The following SPTBN1 variants were observed in gnomAD, a reference collection of about 807,000 sequenced individuals.
The protein encoded by SPTBN1 is spectrin beta, non-erythrocytic 1.
A neutral mutation model predicts 266.4 loss-of-function variants in SPTBN1; 32 were observed. That is an observed-to-expected ratio of 0.12 (90% CI 0.09 to 0.16). SPTBN1 has a LOEUF of 0.16. SPTBN1 is among the 10% of genes least tolerant of loss of function. SPTBN1 has a pLI of 1.00. For missense variants in SPTBN1, 2,296 were observed against 3,067.1 expected, an observed-to-expected ratio of 0.75 and a Z score of 5.94; for synonymous variants, 1,336 against 1,162.2, an observed-to-expected ratio of 1.15 and a Z score of -3.04.
rs553022346 is a variant in SPTBN1, at chr2:54,651,196, A to C, written c.5577+1207A>C. On this transcript the variant is annotated intron_variant, in intron 26 of 35. Coordinates refer to ENST00000356805, the MANE Select transcript of SPTBN1 (RefSeq NM_003128.3). ...TTCCTCTGCACCTCTAAAATCATTT[A>C]CTTTTAGAACTGCAAGACACTTGAG... is the stretch of plus-strand genomic sequence containing the variant. Among the ~76,000 whole-genome samples, 8 of 152,354 alleles carry C rather than the reference A, an allele frequency of 5.3e-5. No individual in the cohort carries two copies. In the East Asian group the frequency reaches 1.5e-3, roughly 29 times the overall value.
chr2:54,614,136 C>T (rs570351920), intron 4 of SPTBN1, among the ~76,000 whole-genome samples: 1 of 152,090 alleles, frequency 6.6e-6, no homozygotes, highest in African/African-American at 2.4e-5. Context: ...CTGATGTTAC[C>T]GCGTGGCCTG....
chr2:54,665,732 A>AT (rs781168301), intron 33 of SPTBN1, among the ~76,000 whole-genome samples, 183 bp from the exon 34 acceptor site: 38 of 152,082 alleles, frequency 2.5e-4, no homozygotes, highest in Admixed American at 8.5e-4. Flanking sequence ...CCATGGAGGA[A>AT]TTTTTTCTGT....
intron 27 of SPTBN1, among the ~76,000 whole-genome samples, chr2:54,654,181 C>G (rs1187831863): frequency 6.6e-6 from 1 of 152,180 alleles, no homozygotes; most frequent in Admixed American, 6.5e-5. Flanking sequence ...AGCCACGTAC[C>G]TTGGACATGA....
Position 54,628,670 on chromosome 2 carries a change from A to G in SPTBN1, c.1799-263A>G, listed in dbSNP as rs1235427159. Among the ~76,000 whole-genome samples the G allele has an allele frequency of 6.6e-6, 1 of 152,078 alleles. No homozygotes were observed. The highest frequency in any genetic ancestry group is 1.9e-4 in the East Asian group (1 of 5,188). ...AATTATATGCAGCTGCCTTTTTCAT[A>G]TGATTCAAGTGCTTTCTTGCAGGAG... On this transcript the variant is annotated intron_variant, in intron 13 of 35. Coordinates refer to ENST00000356805, the MANE Select transcript of SPTBN1 (RefSeq NM_003128.3). This position sits in a 1 kb window ranked among gnomAD's most constrained non-coding sequence, Gnocchi z 4.3.
At chr2:54,597,415 C>T (rs909522865) in intron 2 of SPTBN1, among the ~76,000 whole-genome samples, 1 of 152,120 alleles carries the variant, frequency 6.6e-6, no homozygotes, top group African/African-American at 2.4e-5. Context: ...TGCAGCCTGC[C>T]CCTTACTGTC....
Position 54,617,678 on chromosome 2 carries a change from C to A in SPTBN1, c.637C>A (p.His213Asn). The A allele has an allele frequency of 6.2e-7, 1 of 1,614,046 alleles. No homozygotes were observed. The highest frequency in any genetic ancestry group is 8.5e-7 in the Non-Finnish European group (1 of 1,179,926). Residue 213 changes from histidine (H) to asparagine (N), a missense_variant, in exon 6 of 36, where the codon CAC becomes AAC. His to Asn is a moderately conservative substitution (Grantham distance 68). This residue lies in a region of SPTBN1 where 178 missense variants were observed against 375.7 expected (regional missense o/e 0.47). Coordinates refer to ENST00000356805, the MANE Select transcript of SPTBN1 (RefSeq NM_003128.3). ...CGGCATGGCCTTCAATGCACTGATA[C>A]ACAAACACCGGTAAGTCCATACAAA... ...RDGMAFNALI[H>N]KHRPDLIDFD... is the part of the protein sequence containing the mutation.
chr2:54,509,063 A>G (rs1669721427), intron 1 of SPTBN1, among the ~76,000 whole-genome samples: 1 of 152,130 alleles, frequency 6.6e-6, no homozygotes, highest in Non-Finnish European at 1.5e-5. Context: ...GAGGTAATGG[A>G]GGGGGGCAGA....
intron 2 of SPTBN1, among the ~76,000 whole-genome samples, chr2:54,543,878 A>G (rs1173813598): frequency 5.3e-5 from 8 of 152,170 alleles, no homozygotes; most frequent in Non-Finnish European, 7.4e-5. Flanking sequence ...GTCAGTGTAG[A>G]ACAATCCAAG....
At chr2:54,630,646 G>C (rs1174899380) in intron 15 of SPTBN1, among the ~76,000 whole-genome samples, 1 of 152,146 alleles carries the variant, frequency 6.6e-6, no homozygotes, top group Non-Finnish European at 1.5e-5. Flanking sequence ...TTCGTGACAG[G>C]CTTTTTCCAG....
At chr2:54,577,602 C>G (rs890761064) in intron 2 of SPTBN1, among the ~76,000 whole-genome samples, 2 of 152,184 alleles carry the variant, frequency 1.3e-5, no homozygotes, top group Non-Finnish European at 2.9e-5. Context: ...GTCCTAAGTA[C>G]TTTGCAGTAT....
Position 54,646,086 on chromosome 2 carries a change from C to A in SPTBN1, c.4584+69C>A. On this transcript the variant is annotated intron_variant, in intron 22 of 35. Coordinates refer to ENST00000356805, the MANE Select transcript of SPTBN1 (RefSeq NM_003128.3). This position sits in a 1 kb window ranked among gnomAD's most constrained non-coding sequence, Gnocchi z 4.4. ...CTCTAAATTATGAGACTGGGAATGG[C>A]AGAGAGCTTTGAAGCCTTGCTATTT... 6.2e-7 allele frequency: 1 copy of A among 1,610,154 alleles called. No individual in the cohort carries two copies. The highest frequency in any genetic ancestry group is 1.1e-5 in the South Asian group (1 of 90,688).
chr2:54,537,913 A>C (rs1671704870), intron 2 of SPTBN1, among the ~76,000 whole-genome samples: 1 of 152,326 alleles, frequency 6.6e-6, no homozygotes, highest in African/African-American at 2.4e-5. Flanking sequence ...AGAGCAGTGA[A>C]CTGGAGTATG....
In SPTBN1 at chr2:54,668,663, G is replaced by C; in HGVS notation, c.*94G>C. On this transcript the variant is annotated 3_prime_UTR_variant, in exon 36 of 36. Coordinates refer to ENST00000356805, the MANE Select transcript of SPTBN1 (RefSeq NM_003128.3). ...CAACACATTACTCTCTGTGCCTAAT[G>C]TTCCTCAATGTGGTTGATTTTTTTT... 1 of 1,038,198 alleles carries C rather than the reference G, an allele frequency of 9.6e-7. No individual in the cohort carries two copies. Among genetic ancestry groups the C allele is most frequent in the Non-Finnish European group, 1.3e-6 (1 of 746,352 alleles). The allele number at this position is 1,038,198 out of a possible 1,614,324, so 64.3% of individuals were successfully genotyped here. A position where few individuals can be genotyped will look rare whatever the true frequency, so the allele number is the denominator to read the frequency against.
chr2:54,471,946 C>T (rs561793623), intron 1 of SPTBN1, among the ~76,000 whole-genome samples: 1 of 146,628 alleles, frequency 6.8e-6, no homozygotes, highest in African/African-American at 2.5e-5. Flanking sequence ...ACTTGTAGTT[C>T]TTCTGCTCTG....
chr2:54,668,480 A>G lies in SPTBN1; in HGVS notation c.7006A>G (p.Ile2336Val), dbSNP rs1213696319. Residue 2336 changes from isoleucine (I) to valine (V), a missense_variant, in exon 36 of 36, where the codon ATC becomes GTC. Ile to Val is a conservative substitution (Grantham distance 29, BLOSUM62 3). Coordinates refer to ENST00000356805, the MANE Select transcript of SPTBN1 (RefSeq NM_003128.3). ...GACCCTCCCCACCAGCGTCGTCACC[A>G]TCACCAGCGAGTCCAGTCCCGGCAA... Reference protein sequence around the residue: ...AQTLPTSVVTITSESSPGKRE... With the variant: ...AQTLPTSVVTVTSESSPGKRE... 6.8e-6 allele frequency: 11 copies of G among 1,614,086 alleles called. No homozygotes were observed. Among genetic ancestry groups the G allele is most frequent in the African/African-American group, 1.3e-5 (1 of 74,926 alleles).
chr2:54,493,827 C>G (rs927224720), intron 1 of SPTBN1, among the ~76,000 whole-genome samples: 2 of 152,164 alleles, frequency 1.3e-5, no homozygotes, highest in African/African-American at 2.4e-5. Flanking sequence ...ACTTAATAGC[C>G]TCTTAAACTG....
intron 3 of SPTBN1, among the ~76,000 whole-genome samples, chr2:54,607,180 T>G (rs1676897263): frequency 6.6e-6 from 1 of 152,240 alleles, no homozygotes; most frequent in African/African-American, 2.4e-5. Flanking sequence ...CAGATTTAAC[T>G]GACTGCAGGT....
intron 1 of SPTBN1, among the ~76,000 whole-genome samples, chr2:54,506,781 A>G (rs1669583140): frequency 6.6e-6 from 1 of 152,176 alleles, no homozygotes; most frequent in Non-Finnish European, 1.5e-5. Context: ...GCGTGCTATG[A>G]AAAAACAACA....
rs70944169 is a variant in SPTBN1 at position 54,487,832 on chromosome 2, C to CTTTTTT, written c.-48+31324_-48+31329dup. Among the ~76,000 whole-genome samples the CTTTTTT allele has an allele frequency of 6.0e-4, 41 of 68,644 alleles. 7 individuals are homozygous for CTTTTTT. The highest frequency in any genetic ancestry group is 7.0e-4 in the South Asian group (1 of 1,434). 45.0% of individuals were successfully genotyped at this position (68,644 alleles called of 152,430 possible). A position where few individuals can be genotyped will look rare whatever the true frequency, so the allele number is the denominator to read the frequency against. Reference sequence around the variant, plus strand: ...TTCACTTGATGGTCTCCTCCTGTGTCTTTTTTTTTTTTTTTGAGACGGAGT... The same window carrying CTTTTTT: ...TTCACTTGATGGTCTCCTCCTGTGTCTTTTTTTTTTTTTTTTTTTTTGAGACGGAGT... On this transcript the variant is annotated intron_variant, in intron 1 of 35. Transcript: ENST00000356805.
Sources: gnomAD v4.1 joint callset for allele counts (sites outside exome capture counted in the v4.1 genomes callset) on GRCh38, gnomAD v4.1.1 for gene constraint, gnomAD v4.1.1 regional missense constraint, Gnocchi (gnomAD v3.1) non-coding constraint, MANE v1.5 for transcripts, NCBI Gene and HGNC (gene_info 2026-07-23, HGNC 2026-07-21) for gene names.